PAX7: variants seen among roughly 807,000 people sequenced by gnomAD.
PAX7 encodes the protein paired box 7.
PAX7 carries 18 observed loss-of-function variants against 50.7 expected under a neutral mutation model. That is an observed-to-expected ratio of 0.36 (90% CI 0.25 to 0.53). The LOEUF is 0.53. Among genes scored for constraint, PAX7 ranks in the 20% least tolerant of loss-of-function variants. The pLI is 0.93. For synonymous variants in PAX7, 310 were observed against 290.4 expected (o/e 1.07, Z -0.69); for missense variants, 644 against 702.9 (o/e 0.92, Z 0.95).
intron 4 of PAX7, among the ~76,000 whole-genome samples, chr1:18,667,235 AAAT>A (rs2088681219): frequency 6.6e-6 from 1 of 152,112 alleles, no homozygotes; most frequent in South Asian, 2.1e-4. Context: ...AAATTGGGGA[AAAT>A]AATAATTGCC....
At chr1:18,721,885 C>A (rs2089499501) in intron 7 of PAX7, among the ~76,000 whole-genome samples, 1 of 152,164 alleles carries the variant, frequency 6.6e-6, no homozygotes, top group Non-Finnish European at 1.5e-5. Context: ...TGGGGGACTG[C>A]TGTCAGAGAT....
At chr1:18,662,914 G>GA (rs56372683) in intron 4 of PAX7, among the ~76,000 whole-genome samples, 72 of 147,922 alleles carry the variant, frequency 4.9e-4, no homozygotes, top group Middle Eastern at 3.5e-3. Context: ...TTATTGTGAA[G>GA]AAAAAAAAAA....
chr1:18,722,915 C>A (rs1233532789), intron 7 of PAX7, among the ~76,000 whole-genome samples: 1 of 152,200 alleles, frequency 6.6e-6, no homozygotes, highest in East Asian at 1.9e-4. Flanking sequence ...TTCCTTCCTA[C>A]CCTTCACCTC....
Position 18,668,016 on chromosome 1 carries a change from C to T in PAX7, c.587-23738C>T, listed in dbSNP as rs376758780. ...AACCGAGTAAAATATGGGAAACTTC[C>T]GGGCAAAACCCAGGAGCCCAGGAGC... On this transcript the variant is annotated intron_variant, in intron 4 of 8. Transcript: ENST00000420770. Among the ~76,000 whole-genome samples, 10 of 152,272 alleles carry T rather than the reference C, an allele frequency of 6.6e-5. No homozygotes were observed. The South Asian group carries it at 1.0e-3, about 16-fold the overall frequency.
At position 18,726,023 on chromosome 1, in the gene PAX7, C is replaced by T. The variant is rs11590085; in HGVS notation, c.1156-9609C>T. ...GCGCGCGCGTGCGCGCGTGTGTGTG[C>T]GTGTGTTTGTGTGTGTGTGTGTCTT... On this transcript the variant is annotated intron_variant, in intron 7 of 8. Coordinates refer to ENST00000420770, the MANE Select transcript of PAX7 (RefSeq NM_001135254.2). The surrounding 1 kb of genome is among the most constrained non-coding windows in gnomAD (Gnocchi z 4.8). Among the ~76,000 whole-genome samples, 1 of 149,274 alleles carries T rather than the reference C, an allele frequency of 6.7e-6. No individual in the cohort carries two copies. Among genetic ancestry groups the T allele is most frequent in the Non-Finnish European group, 1.5e-5 (1 of 67,114 alleles).
At chr1:18,695,176 C>T (rs2089135240) in intron 5 of PAX7, among the ~76,000 whole-genome samples, 1 of 150,452 alleles carries the variant, frequency 6.6e-6, no homozygotes, top group African/African-American at 2.5e-5. Flanking sequence ...ATAATGATGT[C>T]TACCTTGCTC....
At chr1:18,668,676 C>G (rs1157743895) in intron 4 of PAX7, among the ~76,000 whole-genome samples, 1 of 152,162 alleles carries the variant, frequency 6.6e-6, no homozygotes, top group South Asian at 2.1e-4. Context: ...TGCACTGCAG[C>G]CTGGGCAACA....
At chr1:18,645,086 C>A (rs189825892) in intron 4 of PAX7, among the ~76,000 whole-genome samples, 26 of 152,368 alleles carry the variant, frequency 1.7e-4, no homozygotes, top group Non-Finnish European at 2.9e-4. Context: ...GGGCTTCCCT[C>A]TTCGCAAGAC....
At chr1:18,631,743 C>G in intron 1 of PAX7, 55 bp downstream of exon 1, 1 of 1,420,032 alleles carries the variant, frequency 7.0e-7, no homozygotes, top group Non-Finnish European at 9.8e-7. Flanking sequence ...ACTCGGGGTC[C>G]TTGGAGAGGC....
rs1308272781 is a variant in PAX7, at chr1:18,701,423, A to AATGAGTGTGTGAGTGTGTGC, written c.952+617_952+636dup. On this transcript the variant is annotated intron_variant, in intron 6 of 8. Transcript: ENST00000420770. ...ATGAGTGTGTGCGTATGAGTGAGTG[A>AATGAGTGTGTGAGTGTGTGC]ATGAGTGTGTGAGTGTGTGCATGAG... 8.6e-5 allele frequency among the ~76,000 whole-genome samples: 13 copies of AATGAGTGTGTGAGTGTGTGC among 151,188 alleles called. No homozygotes were observed. In the East Asian group the frequency reaches 2.5e-3, roughly 29 times the overall value.
chr1:18,722,726 G>T (rs1477630066), intron 7 of PAX7, among the ~76,000 whole-genome samples: 1 of 152,170 alleles, frequency 6.6e-6, no homozygotes, highest in Non-Finnish European at 1.5e-5. Context: ...AGTGCCAGCA[G>T]GGAGCAGGAG....
At chr1:18,703,569 A>G (rs2089250279) in intron 7 of PAX7, among the ~76,000 whole-genome samples, 1 of 152,198 alleles carries the variant, frequency 6.6e-6, no homozygotes, top group Admixed American at 6.5e-5. Flanking sequence ...TGATTGGTCA[A>G]TGGAATTCTG....
At chr1:18,654,574 G>C (rs1455617404) in intron 4 of PAX7, among the ~76,000 whole-genome samples, 1 of 152,212 alleles carries the variant, frequency 6.6e-6, no homozygotes, top group Non-Finnish European at 1.5e-5. Context: ...TGCCATCTGA[G>C]AACTATCTAG....
intron 4 of PAX7, among the ~76,000 whole-genome samples, chr1:18,648,512 TTG>T (rs1341162448): frequency 2.0e-5 from 3 of 152,008 alleles, no homozygotes; most frequent in African/African-American, 7.2e-5. Flanking sequence ...TGGCTAGTTT[TTG>T]TGTCTTTTTG....
rs370717391 is a variant in PAX7, at chr1:18,689,573, T to A, written c.587-2181T>A. Among the ~76,000 whole-genome samples, 10 of 152,160 alleles carry A rather than the reference T, an allele frequency of 6.6e-5. No homozygotes were observed. In the East Asian group the frequency reaches 1.2e-3, roughly 18 times the overall value. On this transcript the variant is annotated intron_variant, in intron 4 of 8. Transcript: ENST00000420770. ...CATGGCGTCACCATCAGAGACCACC[T>A]GGCACTGGCCAAAAAAAAAGCAAGG... is the stretch of plus-strand genomic sequence containing the variant.
At chr1:18,655,337 T>C (rs889278068) in intron 4 of PAX7, among the ~76,000 whole-genome samples, 1 of 152,054 alleles carries the variant, frequency 6.6e-6, no homozygotes, top group Non-Finnish European at 1.5e-5. Context: ...TACCATGCAA[T>C]CAATATGCAA....
rs2088798501 is a variant in PAX7, at chr1:18,674,569, C to A, written c.587-17185C>A. ...CAGCCACCATGGCAAGTTGCAGGAG[C>A]AGGCACAGAGAAAGAAGTTCCTCCT... On this transcript the variant is annotated intron_variant, in intron 4 of 8. Coordinates refer to ENST00000420770, the MANE Select transcript of PAX7 (RefSeq NM_001135254.2). Among the ~76,000 whole-genome samples, 3 of 152,336 alleles carry A rather than the reference C, an allele frequency of 2.0e-5. No individual in the cohort carries two copies. The South Asian group carries it at 6.2e-4, about 32-fold the overall frequency.
chr1:18,743,331 A>G (rs923222822), intron 8 of PAX7, among the ~76,000 whole-genome samples: 1 of 152,236 alleles, frequency 6.6e-6, no homozygotes, highest in African/African-American at 2.4e-5. Flanking sequence ...ACTAGGCAAT[A>G]CAGCCTCCCG....
At chr1:18,667,940 A>T (rs3791031) in intron 4 of PAX7, among the ~76,000 whole-genome samples, 14,278 of 152,132 alleles carry the variant, frequency 0.094, 739 homozygotes, top group East Asian at 0.14. Context: ...CAGCTGAGCC[A>T]TCAAAGGATG....
Sources: gnomAD v4.1 joint callset for allele counts (sites outside exome capture counted in the v4.1 genomes callset) on GRCh38, gnomAD v4.1.1 for gene constraint, Gnocchi (gnomAD v3.1) non-coding constraint, MANE v1.5 for transcripts, NCBI Gene and HGNC (gene_info 2026-07-23, HGNC 2026-07-21) for gene names.